The following RBBP5 variants were observed in gnomAD, a reference collection of about 807,000 sequenced individuals.
RBBP5 encodes the protein retinoblastoma-binding protein 5.
A neutral mutation model predicts 72.2 loss-of-function variants in RBBP5; 5 were observed. The observed-to-expected ratio is 0.07, with a 90% confidence interval of 0.04 to 0.15. The LOEUF (loss-of-function observed/expected upper bound fraction) is 0.15. RBBP5 is among the 10% of genes least tolerant of loss of function. The pLI is 1.00. For missense variants in RBBP5, 322 were observed against 652.2 expected (o/e 0.49, Z 5.51); for synonymous variants, 209 against 237.2 (o/e 0.88, Z 1.09).
At chr1:205,107,940 C>A (rs1574708157) in intron 3 of RBBP5, among the ~76,000 whole-genome samples, 1 of 43,700 alleles carries the variant, frequency 2.3e-5, no homozygotes, top group African/African-American at 5.3e-5. Flanking sequence ...GAGCAAAAAT[C>A]TGTCTCAAAA....
intron 10 of RBBP5, among the ~76,000 whole-genome samples, chr1:205,098,178 C>T: frequency 6.6e-6 from 1 of 152,072 alleles, no homozygotes; most frequent in Admixed American, 6.5e-5. Flanking sequence ...TCACTTACTC[C>T]CCACAACCCT....
rs1427000035 is a variant in RBBP5 at position 205,087,742 on chromosome 1, A to C, written c.*1045T>G. On this transcript the variant is annotated 3_prime_UTR_variant, in exon 14 of 14. Coordinates refer to ENST00000264515, the MANE Select transcript of RBBP5 (RefSeq NM_005057.4). Reference sequence around the variant, plus strand: ...TATAAAGAACAACAAATGTCAAAAAAAAAGCTAAGCAACCTTTCACAGAAA... The same window carrying C: ...TATAAAGAACAACAAATGTCAAAAACAAAGCTAAGCAACCTTTCACAGAAA... 6.6e-6 allele frequency: 1 copy of C among 152,614 alleles called. No homozygotes were observed. Among genetic ancestry groups the C allele is most frequent in the Admixed American group, 6.5e-5 (1 of 15,276 alleles). The allele number at this position is 152,614 out of a possible 1,614,324, so 9.5% of individuals were successfully genotyped here.
At chr1:205,093,458 C>CCAAAAAAAAAAAAA (rs1553352080) in intron 13 of RBBP5, among the ~76,000 whole-genome samples, 754 of 18,316 alleles carry the variant, frequency 0.041, 265 homozygotes, top group South Asian at 0.047. Flanking sequence ...AACTCCGTTT[C>CCAAAAAAAAAAAAA]AAAAAAAAAA....
chr1:205,096,622 G>A (rs906804494), intron 12 of RBBP5, 60 bp downstream of exon 12: 101 of 1,477,738 alleles, frequency 6.8e-5, no homozygotes, highest in Admixed American at 1.5e-4. Flanking sequence ...ACCAGGTTGC[G>A]CTGGGGAGTG....
chr1:205,101,875 GAC>G (rs1420698929), intron 5 of RBBP5, among the ~76,000 whole-genome samples, 166 bp from the exon 6 acceptor site: 1 of 150,458 alleles, frequency 6.6e-6, no homozygotes, highest in Non-Finnish European at 1.5e-5. Context: ...CCTTAAGTAA[GAC>G]AAGGTCTTAA....
chr1:205,100,833 C>T (rs1294318744), intron 6 of RBBP5, among the ~76,000 whole-genome samples: 1 of 152,184 alleles, frequency 6.6e-6, no homozygotes, highest in Non-Finnish European at 1.5e-5. Flanking sequence ...TTGTGGAAGA[C>T]AATTTTTCCA....
At chr1:205,093,305 C>T (rs12033493) in intron 13 of RBBP5, among the ~76,000 whole-genome samples, 25,602 of 149,226 alleles carry the variant, frequency 0.17, 2,573 homozygotes, top group East Asian at 0.39. Flanking sequence ...ACTAAAAAAA[C>T]ACAAAATTAG....
chr1:205,118,955 T>C (rs533325001), intron 1 of RBBP5, among the ~76,000 whole-genome samples: 106 of 152,350 alleles, frequency 7.0e-4, no homozygotes, highest in African/African-American at 2.2e-3. Flanking sequence ...TGTCCTTCAG[T>C]AGGCTTCCAC....
intron 3 of RBBP5, 129 bp from the exon 4 acceptor site, chr1:205,105,297 G>A (rs1270418390): frequency 1.6e-5 from 16 of 979,384 alleles, no homozygotes; most frequent in South Asian, 5.3e-5. Context: ...TTTGTTCCAC[G>A]TATACTCAAA....
At chr1:205,119,200 T>C (rs113260287) in intron 1 of RBBP5, among the ~76,000 whole-genome samples, 9 of 152,140 alleles carry the variant, frequency 5.9e-5, no homozygotes, top group South Asian at 2.1e-4. Flanking sequence ...CCTGACCAGG[T>C]TGGCCAACAT....
At chr1:205,101,895 T>A (rs1455047868) in intron 5 of RBBP5, among the ~76,000 whole-genome samples, 186 bp from the exon 6 acceptor site, 1 of 7,536 alleles carries the variant, frequency 1.3e-4, no homozygotes, top group Non-Finnish European at 7.9e-4. Flanking sequence ...TAATCTAGTC[T>A]TTTTTTTTTT....
chr1:205,094,232 T>C (rs1348921299), intron 13 of RBBP5, among the ~76,000 whole-genome samples: 1 of 152,252 alleles, frequency 6.6e-6, no homozygotes, highest in African/African-American at 2.4e-5. Flanking sequence ...CTGTAGTTTC[T>C]GTCTTTTTGA....
chr1:205,101,217 C>A (rs1655808427), intron 6 of RBBP5, among the ~76,000 whole-genome samples: 1 of 152,182 alleles, frequency 6.6e-6, no homozygotes, highest in Admixed American at 6.5e-5. Context: ...ACTAGGTAAC[C>A]AAACCTACCA....
intron 1 of RBBP5, among the ~76,000 whole-genome samples, chr1:205,121,064 C>CT (rs36059279): frequency 6.6e-6 from 1 of 152,128 alleles, no homozygotes; most frequent in Admixed American, 6.6e-5. Flanking sequence ...TATCTTCTGA[C>CT]TTTTTTAAAA....
At position 205,099,689 on chromosome 1, in the gene RBBP5, T is replaced by G; in HGVS notation, c.978+52A>C. 1.3e-6 allele frequency: 2 copies of G among 1,505,122 alleles called. No individual in the cohort carries two copies. The highest frequency in any genetic ancestry group is 2.4e-5 in the South Asian group (2 of 84,374). 93.2% of individuals were successfully genotyped at this position (1,505,122 alleles called of 1,614,324 possible). ...TTAGCTTCCTATGTATAAGGTTCTTTGATAAAAAGAAGGGGTAACTAGTTT... is the reference window on the plus strand; with the variant it reads ...TTAGCTTCCTATGTATAAGGTTCTTGGATAAAAAGAAGGGGTAACTAGTTT... On this transcript the variant is annotated intron_variant, in intron 9 of 13. Coordinates refer to ENST00000264515, the MANE Select transcript of RBBP5 (RefSeq NM_005057.4). This position sits in a 1 kb window ranked among gnomAD's most constrained non-coding sequence, Gnocchi z 4.7.
chr1:205,106,846 G>C (rs1009618025), intron 3 of RBBP5, among the ~76,000 whole-genome samples: 1 of 151,884 alleles, frequency 6.6e-6, no homozygotes, highest in African/African-American at 2.4e-5. Flanking sequence ...AAAAAGCCCA[G>C]AAAATCTTAG....
chr1:205,116,085 C>A (rs1256244366), intron 1 of RBBP5: 3 of 1,074,942 alleles, frequency 2.8e-6, no homozygotes, highest in Admixed American at 2.6e-5. Flanking sequence ...TATACAGATG[C>A]GTTTTCCTGA....
intron 13 of RBBP5, among the ~76,000 whole-genome samples, chr1:205,089,362 G>A (rs1344018035): frequency 2.0e-5 from 3 of 152,150 alleles, no homozygotes; most frequent in Admixed American, 6.5e-5. Flanking sequence ...AACAATGATC[G>A]ATAAATAATA....
intron 5 of RBBP5, among the ~76,000 whole-genome samples, chr1:205,102,279 A>G (rs1655861687): frequency 1.3e-5 from 2 of 152,244 alleles, no homozygotes; most frequent in Non-Finnish European, 2.9e-5. Context: ...GATAAGCCAT[A>G]TAAACAAAAG....
Sources: gnomAD v4.1 joint callset for allele counts (sites outside exome capture counted in the v4.1 genomes callset) on GRCh38, gnomAD v4.1.1 for gene constraint, Gnocchi (gnomAD v3.1) non-coding constraint, MANE v1.5 for transcripts, NCBI Gene and HGNC (gene_info 2026-07-23, HGNC 2026-07-21) for gene names.